The following ALLC variants were observed in gnomAD, a reference collection of about 807,000 sequenced individuals.
ALLC encodes the protein allantoicase.
A neutral mutation model predicts 45.0 loss-of-function variants in ALLC; 40 were observed. That is an observed-to-expected ratio of 0.89 (90% confidence interval 0.69 to 1.16). The LOEUF is 1.16. Among genes scored for constraint, ALLC ranks in the 50% most tolerant of loss-of-function variants. ALLC has a pLI of 0.00. For missense variants in ALLC, 488 were observed against 493.1 expected (o/e 0.99, Z 0.10); for synonymous variants, 176 against 178.1 (o/e 0.99, Z 0.09).
the ALLC span, among the ~76,000 whole-genome samples, chr2:3,648,245 T>C: frequency 3.7e-3 from 570 of 152,304 alleles, 6 homozygotes; most frequent in African/African-American, 0.013. Flanking sequence ...ATGAGTCTTA[T>C]TCATTATGTG....
At chr2:3,675,861 G>A (rs1385757395) in intron 3 of ALLC, among the ~76,000 whole-genome samples, 7 of 152,230 alleles carry the variant, frequency 4.6e-5, no homozygotes, top group Admixed American at 2.0e-4. Flanking sequence ...CTTAAACACA[G>A]TGATTTCTTG....
chr2:3,656,488 C>T (rs73910321), upstream of ALLC, among the ~76,000 whole-genome samples: 834 of 152,364 alleles, frequency 5.5e-3, 14 homozygotes, highest in African/African-American at 0.019. Flanking sequence ...AGAAACTTAC[C>T]TCATAAGACA....
At chr2:3,697,663 CTATCTTTT>C (rs1667715422) in intron 10 of ALLC, among the ~76,000 whole-genome samples, 1 of 149,708 alleles carries the variant, frequency 6.7e-6, no homozygotes, top group African/African-American at 2.5e-5. Flanking sequence ...ATCTATCTAT[CTATCTTTT>C]ATTTATTTTT....
chr2:3,660,362 AC>A (rs989278484), intron 1 of ALLC, among the ~76,000 whole-genome samples: 1 of 151,030 alleles, frequency 6.6e-6, no homozygotes, highest in Non-Finnish European at 1.5e-5. Context: ...AGCCAAGTAA[AC>A]CCCTTTTTTT....
At chr2:3,699,359 A>C (rs1667764112) in intron 10 of ALLC, among the ~76,000 whole-genome samples, 1 of 152,214 alleles carries the variant, frequency 6.6e-6, no homozygotes, top group Admixed American at 6.5e-5. Context: ...GCTGCATAGT[A>C]TTCCATGTTG....
chr2:3,647,039 C>T, the ALLC span, among the ~76,000 whole-genome samples: 806 of 152,238 alleles, frequency 5.3e-3, 6 homozygotes, highest in South Asian at 0.011. Flanking sequence ...CCCGTGAGGA[C>T]GCAGAGCCAC....
At chr2:3,661,152 C>T (rs1666567313) in intron 1 of ALLC, among the ~76,000 whole-genome samples, 1 of 152,136 alleles carries the variant, frequency 6.6e-6, no homozygotes, top group African/African-American at 2.4e-5. Context: ...CGTCCCGTCT[C>T]TGAGTTCCTT....
intron 11 of ALLC, among the ~76,000 whole-genome samples, chr2:3,701,872 CAT>C (rs1422591038): frequency 3.3e-5 from 5 of 152,166 alleles, no homozygotes; most frequent in Admixed American, 6.5e-5. Flanking sequence ...TACGTGGAAA[CAT>C]GTCTCTGCAT....
intron 10 of ALLC, 84 bp from the exon 11 acceptor site, chr2:3,701,428 A>T: frequency 7.0e-7 from 1 of 1,420,844 alleles, no homozygotes; most frequent in South Asian, 1.6e-5. Flanking sequence ...TGGGTTTTTG[A>T]TCTTATTAAA....
chr2:3,696,106 TTAAC>T (rs575208251), intron 8 of ALLC, among the ~76,000 whole-genome samples, 165 bp from the exon 9 acceptor site: 293 of 152,310 alleles, frequency 1.9e-3, no homozygotes, highest in African/African-American at 6.7e-3. Flanking sequence ...AAAGTAAAAT[TTAAC>T]TAACCCTATG....
chr2:3,664,693 G>A (rs11901602), intron 1 of ALLC, among the ~76,000 whole-genome samples: 24,393 of 151,956 alleles, frequency 0.16, 2,086 homozygotes, highest in Middle Eastern at 0.19. Flanking sequence ...AGACCTGCCC[G>A]GGCAACATAG....
intron 1 of ALLC, among the ~76,000 whole-genome samples, chr2:3,661,196 T>G (rs72769361): frequency 0.16 from 24,030 of 152,136 alleles, 2,049 homozygotes; most frequent in Middle Eastern, 0.19. Context: ...ACTCCAAGGC[T>G]TGGAGTACGG....
At chr2:3,672,271 G>A (rs557694445) in intron 2 of ALLC, among the ~76,000 whole-genome samples, 6 of 111,980 alleles carry the variant, frequency 5.4e-5, no homozygotes, top group Admixed American at 8.0e-5. Flanking sequence ...CTCTGGCTCT[G>A]GTTAGATGGG....
At chr2:3,671,043 C>A in intron 1 of ALLC, 53 bp from the exon 2 acceptor site, 1 of 1,076,550 alleles carries the variant, frequency 9.3e-7, no homozygotes, top group East Asian at 2.6e-5. Context: ...TAGACGGGGC[C>A]TCACTCACTC....
chr2:3,672,600 T>C (rs914626991), intron 2 of ALLC, among the ~76,000 whole-genome samples: 2 of 131,944 alleles, frequency 1.5e-5, no homozygotes, highest in Admixed American at 7.1e-5. Context: ...TGGGAGGTCC[T>C]CTGGTTCTGG....
chr2:3,658,175 CTG>C, upstream of ALLC: 1 of 152,448 alleles, frequency 6.6e-6, no homozygotes, highest in South Asian at 2.1e-4. Context: ...CTGCAAAGTT[CTG>C]TCTCTACCTC....
the ALLC span, among the ~76,000 whole-genome samples, chr2:3,647,885 C>A: frequency 6.6e-6 from 1 of 152,226 alleles, no homozygotes; most frequent in Non-Finnish European, 1.5e-5. Context: ...TGATGTGCGC[C>A]GGTGAGACCC....
intron 4 of ALLC, among the ~76,000 whole-genome samples, chr2:3,678,814 A>C (rs1415916769): frequency 6.6e-6 from 1 of 152,208 alleles, no homozygotes; most frequent in African/African-American, 2.4e-5. Flanking sequence ...AGGTCTGCGG[A>C]TGGAAAAAAG....
chr2:3,673,690 T>C (rs1311817481), intron 2 of ALLC, among the ~76,000 whole-genome samples: 1 of 152,208 alleles, frequency 6.6e-6, no homozygotes, highest in Non-Finnish European at 1.5e-5. Flanking sequence ...GCGGCCCTTG[T>C]GGGTGAACAC....
Sources: allele counts gnomAD v4.1 joint callset (sites outside exome capture counted in the v4.1 genomes callset), GRCh38; gene constraint gnomAD v4.1.1; transcripts MANE v1.5; gene names NCBI Gene and HGNC (gene_info 2026-07-23, HGNC 2026-07-21).